The following SPIC variants were observed in gnomAD, a reference collection of about 807,000 sequenced individuals.
SPIC encodes the protein Spi-C transcription factor.
In SPIC, 9 loss-of-function variants were observed where a neutral mutation model predicts 16.7. The ratio of observed to expected loss-of-function variants is 0.54; its 90% CI spans 0.33 to 0.94. The LOEUF (loss-of-function observed/expected upper bound fraction) is 0.94. SPIC is among the 40% of genes least tolerant of loss of function. SPIC has a pLI of 0.03. For synonymous variants in SPIC, 97 were observed against 102.9 expected (o/e 0.94, Z 0.35); for missense variants, 241 against 285.8 (o/e 0.84, Z 1.13).
intron 4 of SPIC, 108 bp from the exon 5 acceptor site, chr12:101,482,684 C>T (rs1003234424): frequency 3.9e-6 from 4 of 1,037,164 alleles, no homozygotes; most frequent in Admixed American, 2.3e-5. Flanking sequence ...ATTCCTTTTG[C>T]AATCTGGGAG....
chr12:101,479,284 A>G lies in SPIC; in HGVS notation c.98-298A>G, dbSNP rs867528268. ...AAGGAAAGAAAGAAAGAAAGAAAGA[A>G]AAAGAAAGAAAGAAAGAAAGAAAAA... is the stretch of plus-strand genomic sequence containing the variant. On this transcript the variant is annotated intron_variant, in intron 3 of 5. Coordinates refer to ENST00000551346, the MANE Select transcript of SPIC (RefSeq NM_152323.3). 5.7e-3 allele frequency among the ~76,000 whole-genome samples: 354 copies of G among 61,846 alleles called. 15 individuals carry two copies. The highest frequency in any genetic ancestry group is 0.022 in the South Asian group (37 of 1,716). The allele number at this position is 61,846 out of a possible 152,430, so 40.6% of individuals were successfully genotyped here.
At chr12:101,485,722 G>C (rs935562865) in intron 5 of SPIC, among the ~76,000 whole-genome samples, 17 of 152,100 alleles carry the variant, frequency 1.1e-4, no homozygotes, top group African/African-American at 4.1e-4. Flanking sequence ...GCTTTTTGAG[G>C]CTTCTCTTCG....
chr12:101,475,957 A>T (rs1872945837), intron 1 of SPIC, among the ~76,000 whole-genome samples: 1 of 152,182 alleles, frequency 6.6e-6, no homozygotes, highest in Non-Finnish European at 1.5e-5. Context: ...TGTTATGTTG[A>T]TATATGATGG....
intron 3 of SPIC, among the ~76,000 whole-genome samples, chr12:101,479,136 T>TAA (rs1161273325): frequency 2.9e-5 from 2 of 69,930 alleles, no homozygotes; most frequent in Non-Finnish European, 5.8e-5. Flanking sequence ...GACCCTGTCT[T>TAA]AAAAAAAAAA....
At chr12:101,484,370 C>CA (rs1873298842) in intron 5 of SPIC, among the ~76,000 whole-genome samples, 1 of 150,798 alleles carries the variant, frequency 6.6e-6, no homozygotes, top group African/African-American at 2.4e-5. Flanking sequence ...TCCGTCTCTA[C>CA]AAAAAATAAA....
Position 101,486,841 on chromosome 12 carries a change from T to G in SPIC, c.*70T>G. ...CAAGTTTTAATGATTTCTCCCTCCC[T>G]CTCTTTTTTTCCTCCTCTGAAGAAA... On this transcript the variant is annotated 3_prime_UTR_variant, in exon 6 of 6. Coordinates refer to ENST00000551346, the MANE Select transcript of SPIC (RefSeq NM_152323.3). 7.7e-7 allele frequency: 1 copy of G among 1,295,472 alleles called. No homozygotes were observed. Among genetic ancestry groups the G allele is most frequent in the East Asian group, 2.4e-5 (1 of 42,108 alleles). The allele number at this position is 1,295,472 out of a possible 1,614,324, so 80.2% of individuals were successfully genotyped here.
chr12:101,483,473 TTTTTA>T (rs140112192), intron 5 of SPIC, among the ~76,000 whole-genome samples: 17,046 of 152,088 alleles, frequency 0.11, 1,946 homozygotes, highest in African/African-American at 0.29. Flanking sequence ...TATTTTTTAA[TTTTTA>T]TTTTATTATT....
In SPIC at chr12:101,486,370, T is replaced by C; in HGVS notation, c.346T>C (p.Tyr116His). The change falls in exon 6 of 6, where the codon TAC becomes CAC. Residue 116 changes from tyrosine (Y) to histidine (H), a missense_variant. Tyr to His is a moderately conservative substitution (Grantham distance 83). Transcript: ENST00000551346. Reference sequence around the variant, plus strand: ...CAGGAAGAAGCTCCGACTGTTTGAATACCTTCACGAATCCCTGTATAATCC... The same window carrying C: ...CAGGAAGAAGCTCCGACTGTTTGAACACCTTCACGAATCCCTGTATAATCC... ...KGRKKLRLFE[Y>H]LHESLYNPEM... is the part of the protein sequence containing the mutation. 2 of 1,611,922 alleles carry C rather than the reference T, an allele frequency of 1.2e-6. No individual in the cohort carries two copies. Among genetic ancestry groups the C allele is most frequent in the East Asian group, 2.2e-5 (1 of 44,852 alleles).
chr12:101,483,078 C>G (rs975640672), intron 5 of SPIC, among the ~76,000 whole-genome samples, 178 bp downstream of exon 5: 4 of 145,612 alleles, frequency 2.7e-5, no homozygotes, highest in Non-Finnish European at 4.5e-5. Context: ...TTGGGTGAGA[C>G]TTCCTGTGTT....
intron 3 of SPIC, among the ~76,000 whole-genome samples, chr12:101,479,172 A>AAG (rs1342890543): frequency 1.2e-5 from 1 of 82,934 alleles, no homozygotes; most frequent in Non-Finnish European, 2.2e-5. Context: ...GAAAGAAAGA[A>AAG]AAAGAAAGAA....
In SPIC at chr12:101,479,364, C is replaced by A. The variant is rs192356747; in HGVS notation, c.98-218C>A. 1.1e-4 allele frequency among the ~76,000 whole-genome samples: 16 copies of A among 141,980 alleles called. No individual in the cohort carries two copies. In the East Asian group the frequency reaches 2.4e-3, roughly 21 times the overall value. 93.1% of individuals were successfully genotyped at this position (141,980 alleles called of 152,430 possible). On this transcript the variant is annotated intron_variant, in intron 3 of 5. Coordinates refer to ENST00000551346, the MANE Select transcript of SPIC (RefSeq NM_152323.3). ...GAAAGAAAGAAAGAAAGAAATCATG[C>A]GGTTTCAGCCTGCAAGGAGCATGTT...
intron 5 of SPIC, 105 bp downstream of exon 5, chr12:101,483,005 T>G: frequency 1.0e-6 from 1 of 964,572 alleles, no homozygotes; most frequent in Non-Finnish European, 1.6e-6. Flanking sequence ...TTGCAAAATA[T>G]TCTTTTATCA....
intron 3 of SPIC, among the ~76,000 whole-genome samples, chr12:101,479,323 G>C (rs910735462): frequency 2.1e-5 from 3 of 144,424 alleles, no homozygotes; most frequent in African/African-American, 7.9e-5. Context: ...AAGAAAGAAA[G>C]AAAGAAAGAA....
At chr12:101,477,985 G>A (rs1441742739) in intron 3 of SPIC, among the ~76,000 whole-genome samples, 1 of 151,956 alleles carries the variant, frequency 6.6e-6, no homozygotes, top group Non-Finnish European at 1.5e-5. Context: ...CTGTATTCCA[G>A]GATAATGATC....
At chr12:101,476,619 T>C (rs1205584793) in intron 1 of SPIC, among the ~76,000 whole-genome samples, 1 of 152,150 alleles carries the variant, frequency 6.6e-6, no homozygotes, top group African/African-American at 2.4e-5. Context: ...GCTATTTTAA[T>C]ATTTAAAGCA....
At chr12:101,483,656 G>A (rs1040747538) in intron 5 of SPIC, among the ~76,000 whole-genome samples, 1 of 151,652 alleles carries the variant, frequency 6.6e-6, no homozygotes, top group African/African-American at 2.4e-5. Flanking sequence ...GGATGCAGTG[G>A]CATCATCTCA....
At chr12:101,481,658 C>T (rs1873202439) in intron 4 of SPIC, among the ~76,000 whole-genome samples, 1 of 151,802 alleles carries the variant, frequency 6.6e-6, no homozygotes, top group Non-Finnish European at 1.5e-5. Context: ...GGATCACAGG[C>T]GCCTGCCACC....
At position 101,479,839 on chromosome 12, in the gene SPIC, T is replaced by C. The variant is rs142855839; in HGVS notation, c.210+145T>C. On this transcript the variant is annotated intron_variant, in intron 4 of 5. Transcript: ENST00000551346. ...CTTTCTTTTTTTTTTTTTTTTGAGA[T>C]GGAGTCTGGCTCTGTCACCCAGGCT... 1,260 of 501,540 alleles carry C rather than the reference T, an allele frequency of 2.5e-3. 22 individuals are homozygous for C. In the African/African-American group the frequency reaches 0.026, roughly 10 times the overall value. 31.1% of individuals were successfully genotyped at this position (501,540 alleles called of 1,614,324 possible).
rs1565831115 is a variant in SPIC, at chr12:101,479,219, AG to A, written c.98-362del. On this transcript the variant is annotated intron_variant, in intron 3 of 5. Transcript: ENST00000551346. ...AAGAAAGAAAGAAAGAAAGAAAGAA[AG>A]AAGGAAAGAAAGAAAGAAAGAAAAA... 5.0e-3 allele frequency among the ~76,000 whole-genome samples: 419 copies of A among 83,208 alleles called. 10 individuals are homozygous for A. The highest frequency in any genetic ancestry group is 0.013 in the Middle Eastern group (2 of 152). The allele number at this position is 83,208 out of a possible 152,430, so 54.6% of individuals were successfully genotyped here.
Sources: gnomAD v4.1 joint callset for allele counts (sites outside exome capture counted in the v4.1 genomes callset) on GRCh38, gnomAD v4.1.1 for gene constraint, MANE v1.5 for transcripts, NCBI Gene and HGNC (gene_info 2026-07-23, HGNC 2026-07-21) for gene names.